Variants in DMXL1 observed in about 807,000 individuals in gnomAD.
DMXL1 encodes the protein Dmx like 1.
In DMXL1, 99 loss-of-function variants were observed where a neutral mutation model predicts 319.2. The observed-to-expected ratio is 0.31, with a 90% CI of 0.26 to 0.37. The LOEUF (loss-of-function observed/expected upper bound fraction) is 0.37. Ranked by LOEUF, DMXL1 falls within the 10% of genes least tolerant of loss-of-function variation. DMXL1 has a pLI of 1.00. For synonymous variants in DMXL1, 1,385 were observed against 1,235.2 expected (o/e 1.12, Z -2.54); for missense variants, 3,745 against 3,595.6 (o/e 1.04, Z -1.06).
intron 6 of DMXL1, among the ~76,000 whole-genome samples, chr5:119,114,872 A>G (rs974515164): frequency 6.6e-6 from 1 of 152,064 alleles, no homozygotes; most frequent in East Asian, 1.9e-4. Context: ...ATTTCACCAT[A>G]TTGGCCAGGC....
chr5:119,191,058 CT>C (rs1382443318), intron 29 of DMXL1, among the ~76,000 whole-genome samples: 1 of 152,078 alleles, frequency 6.6e-6, no homozygotes, highest in Non-Finnish European at 1.5e-5. Flanking sequence ...TTTAAAAAAA[CT>C]TTTTCTATAC....
At chr5:119,175,238 G>C (rs773414351) in intron 25 of DMXL1, 23 bp from the exon 26 acceptor site, 3 of 1,578,710 alleles carry the variant, frequency 1.9e-6, no homozygotes, top group African/African-American at 1.4e-5. Context: ...TATACTTAAA[G>C]TAATTTTGTT....
intron 1 of DMXL1, among the ~76,000 whole-genome samples, chr5:119,097,771 A>G (rs1416080536): frequency 2.0e-5 from 3 of 152,174 alleles, no homozygotes; most frequent in Non-Finnish European, 2.9e-5. Flanking sequence ...ATTTTGCAGA[A>G]AGGACTGACA....
intron 28 of DMXL1, among the ~76,000 whole-genome samples, chr5:119,184,071 T>TTTTTTTTTTTTTTA (rs1777258533): frequency 6.6e-6 from 1 of 151,742 alleles, no homozygotes; most frequent in African/African-American, 2.4e-5. Flanking sequence ...TTTTTTTTTT[T>TTTTTTTTTTTTTTA]GAGACAGGGT....
At chr5:119,076,003 TC>T (rs1231798209) in intron 1 of DMXL1, among the ~76,000 whole-genome samples, 1 of 152,252 alleles carries the variant, frequency 6.6e-6, no homozygotes, top group Admixed American at 6.5e-5. Context: ...TTTTTCTTTT[TC>T]TTTTGTGGTT....
At chr5:119,108,575 C>G (rs932522372) in intron 4 of DMXL1, among the ~76,000 whole-genome samples, 4 of 152,062 alleles carry the variant, frequency 2.6e-5, no homozygotes, top group Non-Finnish European at 5.9e-5. Context: ...AAGTGCGTGT[C>G]TAACTAATTT....
intron 4 of DMXL1, among the ~76,000 whole-genome samples, chr5:119,109,255 G>T (rs544342338): frequency 1.3e-5 from 2 of 152,220 alleles, no homozygotes; most frequent in Non-Finnish European, 2.9e-5. Context: ...TTGAAATTTC[G>T]ATGTAAGTTA....
At chr5:119,084,386 T>C (rs6893078) in intron 1 of DMXL1, among the ~76,000 whole-genome samples, 4,975 of 152,224 alleles carry the variant, frequency 0.033, 257 homozygotes, top group African/African-American at 0.11. Context: ...TCCCAAAATG[T>C]TGGGATTTCA....
At position 119,133,911 on chromosome 5, in the gene DMXL1, A is replaced by G; in HGVS notation, c.1987A>G (p.Thr663Ala). 1 of 1,614,198 alleles carries G rather than the reference A, an allele frequency of 6.2e-7. No homozygotes were observed. Among genetic ancestry groups the G allele is most frequent in the Non-Finnish European group, 8.5e-7 (1 of 1,180,040 alleles). Residue 663 changes from threonine to alanine, a missense_variant, in exon 12 of 44, where the codon ACA becomes GCA. Around this residue, in one of 4 missense-constraint regions of DMXL1, gnomAD observed 2,096 missense variants for 1,985.4 expected, o/e 1.06. Coordinates refer to ENST00000539542, the MANE Select transcript of DMXL1 (RefSeq NM_001290321.3). ...LTTSHHNALR[T>A]PDVDNPEQPF... is the part of the protein sequence containing the mutation. ...AACATCACACCATAATGCATTAAGG[A>G]CACCAGATGTTGATAACCCAGAGCA...
rs753921071 is a variant in DMXL1 at position 119,178,107 on chromosome 5, A to G, written c.6998A>G (p.His2333Arg). The G allele has an allele frequency of 7.4e-6, 12 of 1,613,998 alleles. 1 individual carries two copies. In the South Asian group the frequency reaches 1.1e-4, roughly 15 times the overall value. Residue 2333 changes from histidine (H) to arginine (R), a missense_variant, in exon 28 of 44, where the codon CAT becomes CGT. His to Arg is a conservative substitution (Grantham distance 29). This residue lies in a region of DMXL1 where 1,382 missense variants were observed against 1,269.5 expected (regional missense o/e 1.09). Transcript: ENST00000539542. ...LTAVYLSLFIHGLATHSSNEL... is the reference protein window; with the variant it reads ...LTAVYLSLFIRGLATHSSNEL... Reference sequence around the variant, plus strand: ...GCAGTGTATCTTAGTCTCTTCATCCATGGCCTGGCCACACATTCAAGTAAT... The same window carrying G: ...GCAGTGTATCTTAGTCTCTTCATCCGTGGCCTGGCCACACATTCAAGTAAT...
chr5:119,125,457 GAA>G (rs1763313082), intron 9 of DMXL1, among the ~76,000 whole-genome samples: 1 of 152,084 alleles, frequency 6.6e-6, no homozygotes, highest in South Asian at 2.1e-4. Context: ...CCACTATATG[GAA>G]AATATCTAAA....
intron 1 of DMXL1, among the ~76,000 whole-genome samples, chr5:119,083,137 A>G (rs980092301): frequency 6.6e-6 from 1 of 151,920 alleles, no homozygotes; most frequent in African/African-American, 2.4e-5. Context: ...CAGCCTCCCC[A>G]GTAGCTGTGA....
intron 39 of DMXL1, among the ~76,000 whole-genome samples, chr5:119,235,837 T>C (rs1787651127): frequency 6.6e-6 from 1 of 152,092 alleles, no homozygotes; most frequent in South Asian, 2.1e-4. Context: ...ACTGAGTCGA[T>C]GTGCATCCAA....
rs187028253 is a variant in DMXL1 at position 119,149,454 on chromosome 5, A to G, written c.3627A>G (p.Val1209=). The G allele has an allele frequency of 1.6e-5, 26 of 1,613,988 alleles. No individual in the cohort carries two copies. In the Admixed American group the frequency reaches 2.3e-4, roughly 14 times the overall value. Reference sequence around the variant, plus strand: ...GAAGTGTGGACCTAGTTTCTTCTGTAGATGGCTCCCCACCTTTTCCTGTTT... The same window carrying G: ...GAAGTGTGGACCTAGTTTCTTCTGTGGATGGCTCCCCACCTTTTCCTGTTT... ...LLRSVDLVSS[V]DGSPPFPVSL... The change falls in exon 18 of 44, where the codon GTA becomes GTG. Residue 1209 remains valine (V), a synonymous_variant. Coordinates refer to ENST00000539542, the MANE Select transcript of DMXL1 (RefSeq NM_001290321.3).
intron 38 of DMXL1, among the ~76,000 whole-genome samples, chr5:119,231,126 C>G (rs907422964): frequency 3.3e-5 from 5 of 152,040 alleles, no homozygotes; most frequent in African/African-American, 1.2e-4. Context: ...TTAGAGATTC[C>G]CTTTTATTTA....
intron 1 of DMXL1, among the ~76,000 whole-genome samples, chr5:119,077,554 G>C (rs1435653167): frequency 2.4e-5 from 3 of 123,244 alleles, no homozygotes; most frequent in Non-Finnish European, 4.8e-5. Flanking sequence ...GTGGATCTCA[G>C]CTCACTGCAG....
chr5:119,215,076 G>A (rs374592728), intron 34 of DMXL1, among the ~76,000 whole-genome samples: 1 of 152,194 alleles, frequency 6.6e-6, no homozygotes, highest in Admixed American at 6.5e-5. Flanking sequence ...GATGATCGGC[G>A]TTTTGTAGTC....
rs1391497830 is a variant in DMXL1, at chr5:119,239,078, T to C, written c.8649T>C (p.Asn2883=). ...CTACAGCTGGTCTTTCAACTGACAA[T>C]AGGTAAGAGATGATAGCTAAAATTG... ...LIATAGLSTD[N]RNVCLWDTLV... Residue 2883 remains asparagine (N), a splice_region_variant and synonymous_variant, in exon 41 of 44, where the codon AAT becomes AAC. Coordinates refer to ENST00000539542, the MANE Select transcript of DMXL1 (RefSeq NM_001290321.3). 1 of 1,613,584 alleles carries C rather than the reference T, an allele frequency of 6.2e-7. No homozygotes were observed. Among genetic ancestry groups the C allele is most frequent in the South Asian group, 1.1e-5 (1 of 91,072 alleles).
intron 1 of DMXL1, among the ~76,000 whole-genome samples, chr5:119,089,848 A>G (rs1317544478): frequency 6.8e-6 from 1 of 147,372 alleles, no homozygotes; most frequent in African/African-American, 2.5e-5. Context: ...CTGGTCTTGA[A>G]CTCCACACCT....
Sources: allele counts gnomAD v4.1 joint callset (sites outside exome capture counted in the v4.1 genomes callset), GRCh38; gene constraint gnomAD v4.1.1; regional missense constraint gnomAD v4.1.1; transcripts MANE v1.5; gene names NCBI Gene and HGNC (gene_info 2026-07-23, HGNC 2026-07-21).